SLC5A5: variants seen among roughly 807,000 people sequenced by gnomAD.
SLC5A5 encodes the protein sodium/iodide cotransporter.
In SLC5A5, 56 loss-of-function variants were observed where a neutral mutation model predicts 68.6. The ratio of observed to expected loss-of-function variants is 0.82; its 90% confidence interval spans 0.66 to 1.02. The LOEUF (loss-of-function observed/expected upper bound fraction) is 1.02, where lower values mean the gene tolerates loss of function less well. SLC5A5 is among the 50% of genes least tolerant of loss of function. The pLI, the probability that SLC5A5 is intolerant of heterozygous loss-of-function variation, is 0.00. For synonymous variants in SLC5A5, 398 were observed against 373.0 expected (o/e 1.07, Z -0.77); for missense variants, 807 against 859.8 (o/e 0.94, Z 0.77).
Position 17,875,947 on chromosome 19 carries a change from T to C in SLC5A5, c.544-5T>C, listed in dbSNP as rs2094305835. 6 of 1,614,132 alleles carry C rather than the reference T, an allele frequency of 3.7e-6. No individual in the cohort carries two copies. In the East Asian group the frequency reaches 1.3e-4, roughly 36 times the overall value. On this transcript the variant is annotated splice_polypyrimidine_tract_variant and splice_region_variant and intron_variant, in intron 4 of 14. Transcript: ENST00000222248. ...CCCTCTCCCTCTCTCTGTCCCATGC[T>C]GCAGGGCGGCATGAAGGCTGTGGTC...
At chr19:17,888,476 G>T in intron 13 of SLC5A5, 21 bp downstream of exon 13, 1 of 1,612,976 alleles carries the variant, frequency 6.2e-7, no homozygotes, top group South Asian at 1.1e-5. Context: ...AGAGCATGTG[G>T]CCTCAGAGGT....
chr19:17,892,452 A>T (rs905525540), intron 14 of SLC5A5, among the ~76,000 whole-genome samples: 2 of 152,028 alleles, frequency 1.3e-5, no homozygotes, highest in Non-Finnish European at 2.9e-5. Flanking sequence ...CCTGGCCAAC[A>T]TGGTGAAACC....
At chr19:17,883,412 TAA>T (rs1331645900) in intron 10 of SLC5A5, among the ~76,000 whole-genome samples, 5 of 129,484 alleles carry the variant, frequency 3.9e-5, no homozygotes, top group South Asian at 4.9e-4. Context: ...AGACTCTGTC[TAA>T]AAAAAAAAAA....
chr19:17,877,437 G>C (rs2094310037), intron 5 of SLC5A5, among the ~76,000 whole-genome samples: 1 of 151,448 alleles, frequency 6.6e-6, no homozygotes, highest in East Asian at 1.9e-4. Flanking sequence ...AGCCTCCCAA[G>C]TAGCTGGGAT....
In SLC5A5 at chr19:17,883,865, C is replaced by A; in HGVS notation, c.1345C>A (p.Leu449Ile). The change falls in exon 12 of 15, where the codon CTA (leucine) becomes ATA (isoleucine). Residue 449 changes from leucine (L) to isoleucine (I), a missense_variant. Leu to Ile is a conservative substitution (Grantham distance 5, BLOSUM62 2). Transcript: ENST00000222248. ...ACNTPGVLAG[L>I]GAGLALSLWV... ...CTGCCCCCAGGGCGTCCTCGCGGGA[C>A]TAGGCGCGGGCTTGGCGCTGTCGCT... 9 of 1,590,230 alleles carry A rather than the reference C, an allele frequency of 5.7e-6. No individual in the cohort carries two copies. Among genetic ancestry groups the A allele is most frequent in the Non-Finnish European group, 7.7e-6 (9 of 1,169,478 alleles).
In SLC5A5 at chr19:17,876,148, G is replaced by A. The variant is rs752523507; in HGVS notation, c.698+42G>A. The A allele has an allele frequency of 4.4e-6, 7 of 1,604,604 alleles. No individual in the cohort carries two copies. In the African/African-American group the frequency reaches 9.4e-5, roughly 21 times the overall value. On this transcript the variant is annotated intron_variant, in intron 5 of 14. Transcript: ENST00000222248. ...AGGATACTCCAGCAGGATGGGGCTG[G>A]GACCAGTGCGGTGGCTCATGCCTGT...
chr19:17,892,648 A>AAG (rs1568427310), intron 14 of SLC5A5, among the ~76,000 whole-genome samples: 2 of 58,634 alleles, frequency 3.4e-5, no homozygotes, highest in Non-Finnish European at 8.0e-5. Flanking sequence ...AAAGAAAGAA[A>AAG]AGACAGAGAG....
Position 17,876,107 on chromosome 19 carries a change from G to A in SLC5A5, c.698+1G>A. 2 of 1,614,034 alleles carry A rather than the reference G, an allele frequency of 1.2e-6. No individual in the cohort carries two copies. The highest frequency in any genetic ancestry group is 1.1e-5 in the South Asian group (1 of 91,084). Reference sequence around the variant, plus strand: ...ACCACTCCCGGATCAACCTCATGGAGTGAGTGAAAATGCAGAGGATACTCC... The same window carrying A: ...ACCACTCCCGGATCAACCTCATGGAATGAGTGAAAATGCAGAGGATACTCC... On this transcript the variant is annotated splice_donor_variant, in intron 5 of 14. Transcript: ENST00000222248. LOFTEE classifies it high-confidence loss of function.
chr19:17,878,749 G>C (rs1200079407), intron 7 of SLC5A5, among the ~76,000 whole-genome samples: 1 of 152,054 alleles, frequency 6.6e-6, no homozygotes, highest in East Asian at 1.9e-4. Context: ...GCCGAGACAG[G>C]CAGATCACTT....
chr19:17,878,974 C>CAAA lies in SLC5A5; in HGVS notation c.969+893_969+895dup, dbSNP rs1368928380. Among the ~76,000 whole-genome samples, 187 of 47,808 alleles carry CAAA rather than the reference C, an allele frequency of 3.9e-3. 9 individuals carry two copies. Among genetic ancestry groups the CAAA allele is most frequent in the African/African-American group, 0.011 (114 of 10,356 alleles). 31.4% of individuals were successfully genotyped at this position (47,808 alleles called of 152,430 possible). A position where few individuals can be genotyped will look rare whatever the true frequency, so the allele number is the denominator to read the frequency against. ...TGGGTGACAGAGAGAGACTCCATCT[C>CAAA]AAAAAAAAAAAAAACAAAAAAAAAA... is the stretch of plus-strand genomic sequence containing the variant. On this transcript the variant is annotated intron_variant, in intron 7 of 14. Transcript: ENST00000222248.
At chr19:17,880,833 T>C in intron 7 of SLC5A5, 32 bp from the exon 8 acceptor site, 1 of 1,537,204 alleles carries the variant, frequency 6.5e-7, no homozygotes, top group Non-Finnish European at 9.0e-7. Context: ...GGGGTGCAGC[T>C]GTCTGGGAGG....
Position 17,894,158 on chromosome 19 carries a change from T to C in SLC5A5, c.*281T>C. 2.5e-6 allele frequency: 1 copy of C among 406,214 alleles called. No homozygotes were observed. Among genetic ancestry groups the C allele is most frequent in the South Asian group, 2.4e-5 (1 of 41,846 alleles). 25.2% of individuals were successfully genotyped at this position (406,214 alleles called of 1,614,324 possible). On this transcript the variant is annotated 3_prime_UTR_variant, in exon 15 of 15. Transcript: ENST00000222248. ...TTCTCTCTCTCTTTTTTTTTTTTTT[T>C]TTTTTTTGAGACAGGGTCATGCTCT...
chr19:17,889,079 G>A (rs1008019529), intron 13 of SLC5A5, among the ~76,000 whole-genome samples: 3 of 150,776 alleles, frequency 2.0e-5, no homozygotes, highest in African/African-American at 7.3e-5. Context: ...AAAAGAAAGT[G>A]TATATATATA....
rs755993203 is a variant in SLC5A5, at chr19:17,883,899, C to T, written c.1379C>T (p.Ala460Val). The T allele has an allele frequency of 2.9e-5, 46 of 1,571,680 alleles. 1 individual carries two copies. The South Asian group carries it at 4.9e-4, about 17-fold the overall frequency. The change falls in exon 12 of 15, where the codon GCC becomes GTC. Residue 460 changes from alanine (A) to valine (V), a missense_variant. Physicochemically the swap from Ala to Val is moderately conservative, Grantham distance 64. Coordinates refer to ENST00000222248, the MANE Select transcript of SLC5A5 (RefSeq NM_000453.3). ...GGCTTGGCGCTGTCGCTGTGGGTGG[C>T]CTTGGGCGCCACGCTGTACCCACCC... is the stretch of plus-strand genomic sequence containing the variant. Reference protein sequence around the residue: ...GAGLALSLWVALGATLYPPSE... With the variant: ...GAGLALSLWVVLGATLYPPSE...
In SLC5A5 at chr19:17,872,641, G is replaced by A. The variant is rs2094297161; in HGVS notation, c.322G>A (p.Val108Ile). Residue 108 changes from valine to isoleucine, a missense_variant, in exon 1 of 15, where the codon GTC becomes ATC. By Grantham distance (29) the Val-to-Ile change is conservative. Transcript: ENST00000222248. Reference sequence around the variant, plus strand: ...CCTCACCGCCCTGCTCTTCATGCCCGTCTTCTACCGCCTGGGCCTCACCAG... The same window carrying A: ...CCTCACCGCCCTGCTCTTCATGCCCATCTTCTACCGCCTGGGCCTCACCAG... ...SVLTALLFMP[V>I]FYRLGLTSTY... 1 of 1,608,842 alleles carries A rather than the reference G, an allele frequency of 6.2e-7. No individual in the cohort carries two copies.
chr19:17,876,446 G>A (rs1020668842), intron 5 of SLC5A5, among the ~76,000 whole-genome samples: 2 of 143,064 alleles, frequency 1.4e-5, no homozygotes, highest in Non-Finnish European at 3.0e-5. Flanking sequence ...AAAAAAAAGA[G>A]GCTGGGTGCA....
chr19:17,872,150 C>T lies in SLC5A5; in HGVS notation c.-170C>T, dbSNP rs2094295528. ...CATCGACAGCCCATAGATTCCTAAC[C>T]CAGGGAGCCCCGGCCCCTCTCGCCG... On this transcript the variant is annotated 5_prime_UTR_variant, in exon 1 of 15. Coordinates refer to ENST00000222248, the MANE Select transcript of SLC5A5 (RefSeq NM_000453.3). 3.3e-6 allele frequency: 2 copies of T among 602,228 alleles called. No homozygotes were observed. Among genetic ancestry groups the T allele is most frequent in the African/African-American group, 1.9e-5 (1 of 53,140 alleles). The allele number at this position is 602,228 out of a possible 1,614,324, so 37.3% of individuals were successfully genotyped here.
chr19:17,872,057 T>G lies in SLC5A5; in HGVS notation c.-263T>G. 3.9e-6 allele frequency: 2 copies of G among 517,642 alleles called. No individual in the cohort carries two copies. The highest frequency in any genetic ancestry group is 2.3e-5 in the South Asian group (1 of 43,716). The allele number at this position is 517,642 out of a possible 1,614,324, so 32.1% of individuals were successfully genotyped here. A position where few individuals can be genotyped will look rare whatever the true frequency, so the allele number is the denominator to read the frequency against. On this transcript the variant is annotated 5_prime_UTR_variant, in exon 1 of 15. Transcript: ENST00000222248. ...GCGGAACCCAGAGTGAGAGGGGAGG[T>G]GGCAGGACAGACAGACAGCAGGGGC...
In SLC5A5 at chr19:17,893,825, C is replaced by A. The variant is rs1462619200; in HGVS notation, c.1880C>A (p.Thr627Asn). 1 of 1,599,160 alleles carries A rather than the reference C, an allele frequency of 6.3e-7. No homozygotes were observed. Among genetic ancestry groups the A allele is most frequent in the Admixed American group, 1.7e-5 (1 of 58,266 alleles). The change falls in exon 15 of 15, where the codon ACC becomes AAC. Residue 627 changes from threonine to asparagine, a missense_variant. Coordinates refer to ENST00000222248, the MANE Select transcript of SLC5A5 (RefSeq NM_000453.3). ...GAGCTGGAGGGGGCTGGCTCTTGGA[C>A]CCCCTGTGTTGGACATGATGGTGGT... ...QKELEGAGSW[T>N]PCVGHDGGRD... is the part of the protein sequence containing the mutation.
Sources: gnomAD v4.1 joint callset for allele counts (sites outside exome capture counted in the v4.1 genomes callset) on GRCh38, gnomAD v4.1.1 for gene constraint, MANE v1.5 for transcripts, NCBI Gene and HGNC (gene_info 2026-07-23, HGNC 2026-07-21) for gene names.